The following SLC23A2 variants were observed in gnomAD, a reference collection of about 807,000 sequenced individuals.
SLC23A2 encodes the protein solute carrier family 23 member 2.
A neutral mutation model predicts 73.3 loss-of-function variants in SLC23A2; 36 were observed. The ratio of observed to expected loss-of-function variants is 0.49; its 90% CI spans 0.38 to 0.65. The LOEUF is 0.65. Among genes scored for constraint, SLC23A2 ranks in the 30% least tolerant of loss-of-function variants. The pLI is 0.00. For synonymous variants in SLC23A2, 343 were observed against 327.3 expected, an observed-to-expected ratio of 1.05 and a Z score of -0.52; for missense variants, 507 against 841.6, an observed-to-expected ratio of 0.60 and a Z score of 4.92.
intron 1 of SLC23A2, among the ~76,000 whole-genome samples, chr20:5,009,546 A>G (rs1466139893): frequency 6.6e-6 from 1 of 152,150 alleles, no homozygotes; most frequent in African/African-American, 2.4e-5. Flanking sequence ...GTCTTGGTTT[A>G]TTTAATTCTG....
chr20:4,876,913 C>T (rs1291113344), intron 9 of SLC23A2, among the ~76,000 whole-genome samples: 1 of 152,146 alleles, frequency 6.6e-6, no homozygotes, highest in Non-Finnish European at 1.5e-5. Flanking sequence ...ATGCTTTACG[C>T]AGCTTCCTGA....
Position 4,863,657 on chromosome 20 carries a change from G to T in SLC23A2, c.1357-750C>A, listed in dbSNP as rs1189256274. Among the ~76,000 whole-genome samples the T allele has an allele frequency of 3.3e-5, 5 of 152,148 alleles. No individual in the cohort carries two copies. Among genetic ancestry groups the T allele is most frequent in the Non-Finnish European group, 5.9e-5 (4 of 68,024 alleles). ...CACCTTTCTAACACATGAAATTGGG[G>T]AGGCTGGTCCCCTGCTTGCATCCTC... On this transcript the variant is annotated intron_variant, in intron 13 of 16. Coordinates refer to ENST00000338244, the MANE Select transcript of SLC23A2 (RefSeq NM_005116.6). The surrounding 1 kb of genome is among the most constrained non-coding windows in gnomAD (Gnocchi z 4.8).
chr20:4,870,253 G>A (rs1299352845), intron 11 of SLC23A2, among the ~76,000 whole-genome samples, 200 bp from the exon 12 acceptor site: 1 of 152,196 alleles, frequency 6.6e-6, no homozygotes, highest in Admixed American at 6.5e-5. Context: ...CGGCCATAAT[G>A]AGGACTGATG....
At position 4,885,864 on chromosome 20, in the gene SLC23A2, A is replaced by C. The variant is rs117118794; in HGVS notation, c.528T>G (p.Ala176=). ...QASAFAFLAP[A]RAILSLDKWK... Reference sequence around the variant, plus strand: ...ATTTATCTAAAGACAGGATGGCTCGAGCAGGGGCCAAAAATGCAAAAGCAC... The same window carrying C: ...ATTTATCTAAAGACAGGATGGCTCGCGCAGGGGCCAAAAATGCAAAAGCAC... Residue 176 remains alanine, a synonymous_variant, in exon 7 of 17, where the codon GCT becomes GCG. Coordinates refer to ENST00000338244, the MANE Select transcript of SLC23A2 (RefSeq NM_005116.6). 1 of 1,614,022 alleles carries C rather than the reference A, an allele frequency of 6.2e-7. No individual in the cohort carries two copies. The highest frequency in any genetic ancestry group is 2.2e-5 in the East Asian group (1 of 44,882).
chr20:5,006,948 C>T (rs1258513919), intron 1 of SLC23A2, among the ~76,000 whole-genome samples: 1 of 148,124 alleles, frequency 6.8e-6, no homozygotes, highest in South Asian at 2.1e-4. Flanking sequence ...CCTGAAATGA[C>T]GTGTGTGTGT....
chr20:4,890,681 A>G (rs146806266), intron 6 of SLC23A2, among the ~76,000 whole-genome samples: 1 of 152,334 alleles, frequency 6.6e-6, no homozygotes, highest in Non-Finnish European at 1.5e-5. Flanking sequence ...TAATGTGTCA[A>G]AGAAAACTTT....
Position 4,948,297 on chromosome 20 carries a change from C to T in SLC23A2, c.-154-15581G>A, listed in dbSNP as rs548457649. Among the ~76,000 whole-genome samples the T allele has an allele frequency of 7.9e-5, 12 of 152,324 alleles. No individual in the cohort carries two copies. In the South Asian group the frequency reaches 8.3e-4, roughly 11 times the overall value. On this transcript the variant is annotated intron_variant, in intron 2 of 16. Coordinates refer to ENST00000338244, the MANE Select transcript of SLC23A2 (RefSeq NM_005116.6). ...CCTCTATTTCCTAACTACCCAATTA[C>T]GCCTGCTTGGTTTTGCTGGACTTTG...
chr20:5,006,238 C>T (rs941621398), upstream of SLC23A2, among the ~76,000 whole-genome samples: 8 of 150,878 alleles, frequency 5.3e-5, no homozygotes, highest in Admixed American at 1.3e-4. Context: ...GCTGGGATTA[C>T]AGGCGCCTGC....
chr20:4,973,754 G>A (rs35524897), intron 1 of SLC23A2, among the ~76,000 whole-genome samples: 4,044 of 152,214 alleles, frequency 0.027, 145 homozygotes, highest in South Asian at 0.14. Flanking sequence ...AAGCCTGGGC[G>A]CTGCGGCAGG....
chr20:4,888,981 G>A (rs1023195266), intron 6 of SLC23A2, among the ~76,000 whole-genome samples: 7 of 152,202 alleles, frequency 4.6e-5, no homozygotes, highest in African/African-American at 1.2e-4. Context: ...GACAACCCCT[G>A]TGCCAGGTTA....
chr20:4,902,550 G>C lies in SLC23A2; in HGVS notation c.216C>G (p.Leu72=), dbSNP rs745953941. 1.9e-6 allele frequency: 3 copies of C among 1,595,854 alleles called. No individual in the cohort carries two copies. Among genetic ancestry groups the C allele is most frequent in the South Asian group, 2.2e-5 (2 of 89,422 alleles). ...TENGIAEKSS[L]AETLDSTGSL... ...TGCCAGTGCTATCCAGGGTCTCAGCGAGAGAGCTCTGCGAGCCAGAAGGAG... is the reference window on the plus strand; with the variant it reads ...TGCCAGTGCTATCCAGGGTCTCAGCCAGAGAGCTCTGCGAGCCAGAAGGAG... Residue 72 remains leucine (L), a synonymous_variant, in exon 5 of 17, where the codon CTC becomes CTG. Coordinates refer to ENST00000338244, the MANE Select transcript of SLC23A2 (RefSeq NM_005116.6). The surrounding 1 kb of genome is among the most constrained non-coding windows in gnomAD (Gnocchi z 4.0).
At position 4,853,538 on chromosome 20, in the gene SLC23A2, C is replaced by G. The variant is rs1174338742; in HGVS notation, c.*3434G>C. On this transcript the variant is annotated 3_prime_UTR_variant, in exon 17 of 17. Transcript: ENST00000338244. ...CTAGAGATTCATCAATGGAGAAATT[C>G]TATCATCACATGACATTGTCATGAA... 1 of 152,626 alleles carries G rather than the reference C, an allele frequency of 6.6e-6. No individual in the cohort carries two copies. The highest frequency in any genetic ancestry group is 2.4e-5 in the African/African-American group (1 of 41,440). 9.5% of individuals were successfully genotyped at this position (152,626 alleles called of 1,614,324 possible).
intron 13 of SLC23A2, among the ~76,000 whole-genome samples, chr20:4,867,410 T>C (rs1216608438): frequency 6.6e-6 from 1 of 152,228 alleles, no homozygotes; most frequent in Non-Finnish European, 1.5e-5. Context: ...GCTGACATAA[T>C]GCATCATTTA....
At chr20:4,889,890 GACTGC>G (rs142075587) in intron 6 of SLC23A2, among the ~76,000 whole-genome samples, 2,498 of 152,226 alleles carry the variant, frequency 0.016, 60 homozygotes, top group African/African-American at 0.057. Context: ...AGTTGGTTTT[GACTGC>G]ACATTTGGAA....
intron 1 of SLC23A2, among the ~76,000 whole-genome samples, chr20:4,978,894 T>C (rs1020484284): frequency 1.3e-5 from 2 of 152,114 alleles, no homozygotes; most frequent in African/African-American, 4.8e-5. Context: ...ACAAGAACCC[T>C]ATAGGGTAAA....
At chr20:4,924,871 G>A (rs1932617867) in intron 3 of SLC23A2, among the ~76,000 whole-genome samples, 1 of 152,144 alleles carries the variant, frequency 6.6e-6, no homozygotes, top group Non-Finnish European at 1.5e-5. Flanking sequence ...ATTGTGGATT[G>A]CCTGTCTCCC....
chr20:4,950,068 C>T (rs1461707622), intron 2 of SLC23A2, among the ~76,000 whole-genome samples: 2 of 152,196 alleles, frequency 1.3e-5, no homozygotes, highest in Middle Eastern at 3.2e-3. Flanking sequence ...ACAACAGCCA[C>T]CACCCGGTTA....
chr20:4,852,410 A>T lies in SLC23A2; in HGVS notation c.*4562T>A, dbSNP rs1462059429. On this transcript the variant is annotated 3_prime_UTR_variant, in exon 17 of 17. Transcript: ENST00000338244. The surrounding 1 kb of genome is among the most constrained non-coding windows in gnomAD (Gnocchi z 4.3). Reference sequence around the variant, plus strand: ...GGAACAGTTTTAAAAATACAGAATAAAATAGCTTTATCTCTACTATTATTC... The same window carrying T: ...GGAACAGTTTTAAAAATACAGAATATAATAGCTTTATCTCTACTATTATTC... The T allele has an allele frequency of 6.6e-6, 1 of 152,564 alleles. No homozygotes were observed. Among genetic ancestry groups the T allele is most frequent in the Non-Finnish European group, 1.5e-5 (1 of 68,026 alleles). The allele number at this position is 152,564 out of a possible 1,614,324, so 9.5% of individuals were successfully genotyped here.
At chr20:4,866,245 A>G (rs1165890750) in intron 13 of SLC23A2, among the ~76,000 whole-genome samples, 1 of 152,258 alleles carries the variant, frequency 6.6e-6, no homozygotes, top group East Asian at 1.9e-4. Context: ...AATGACAACA[A>G]AAAGTTTGTA....
Sources: allele counts gnomAD v4.1 joint callset (sites outside exome capture counted in the v4.1 genomes callset), GRCh38; gene constraint gnomAD v4.1.1; non-coding constraint Gnocchi (gnomAD v3.1); transcripts MANE v1.5; gene names NCBI Gene and HGNC (gene_info 2026-07-23, HGNC 2026-07-21).